The following RANBP2 variants were observed in gnomAD, a reference collection of about 807,000 sequenced individuals.
RANBP2 encodes the protein E3 SUMO-protein ligase RanBP2.
In RANBP2, 57 loss-of-function variants were observed where a neutral mutation model predicts 303.6. The ratio of observed to expected loss-of-function variants is 0.19; its 90% CI spans 0.15 to 0.23. The LOEUF is 0.23. Among genes scored for constraint, RANBP2 ranks in the 10% least tolerant of loss-of-function variants. The probability of loss-of-function intolerance (pLI) is 1.00; values close to 1 mark genes in which losing one functional copy is unlikely to be tolerated. For synonymous variants in RANBP2, 1,167 were observed against 1,301.5 expected (o/e 0.90, Z 2.23); for missense variants, 3,138 against 3,780.8 (o/e 0.83, Z 4.46).
rs1004497377 is a variant in RANBP2 at position 108,773,020 on chromosome 2, G to C, written c.8266G>C (p.Glu2756Gln). The change falls in exon 23 of 29, where the codon GAG becomes CAG. Residue 2756 changes from glutamate (E) to glutamine (Q), a missense_variant. Glu to Gln is a conservative substitution (Grantham distance 29). Transcript: ENST00000283195. Reference protein sequence around the residue: ...DNGNGEDFQSELQKVQEAQKS... With the variant: ...DNGNGEDFQSQLQKVQEAQKS... ...TGGAAATGGGGAGGACTTTCAATCA[G>C]AGCTTCAAAAAGTTCAGGAAGCTCA... The C allele has an allele frequency of 6.2e-7, 1 of 1,613,126 alleles. No individual in the cohort carries two copies. The highest frequency in any genetic ancestry group is 1.7e-5 in the Admixed American group (1 of 59,964).
the RANBP2 span, among the ~76,000 whole-genome samples, chr2:109,761,433 TCCCCA>T: frequency 4.7e-5 from 7 of 149,684 alleles, 1 homozygote; most frequent in African/African-American, 7.4e-5. Context: ...GCACTCCTCC[TCCCCA>T]CCCCACCCGG....
At chr2:109,736,498 C>T in the RANBP2 span, among the ~76,000 whole-genome samples, 2 of 152,192 alleles carry the variant, frequency 1.3e-5, no homozygotes, top group Non-Finnish European at 2.9e-5. Context: ...TTTTTGTACA[C>T]ATTTAGTTAA....
chr2:109,239,118 C>T, the RANBP2 span, among the ~76,000 whole-genome samples: 32 of 152,200 alleles, frequency 2.1e-4, no homozygotes, highest in Non-Finnish European at 3.4e-4. Context: ...ACGTCTTTTC[C>T]GAGTGTCCCA....
chr2:109,170,092 A>G, the RANBP2 span, among the ~76,000 whole-genome samples: 47 of 152,302 alleles, frequency 3.1e-4, no homozygotes. Context: ...AGAAACTATA[A>G]TCTCTACAAG....
the RANBP2 span, among the ~76,000 whole-genome samples, chr2:109,415,723 T>G: frequency 6.6e-6 from 1 of 152,174 alleles, no homozygotes; most frequent in Non-Finnish European, 1.5e-5. Flanking sequence ...CTGCCCCCTT[T>G]GCCTCCAAAC....
the RANBP2 span, chr2:109,564,386 G>C: frequency 6.4e-7 from 1 of 1,573,700 alleles, no homozygotes; most frequent in Non-Finnish European, 8.6e-7. Flanking sequence ...TGTTTTCTGG[G>C]CCCACATCTG....
chr2:109,109,800 C>T, the RANBP2 span, among the ~76,000 whole-genome samples: 1 of 152,160 alleles, frequency 6.6e-6, no homozygotes, highest in Non-Finnish European at 1.5e-5. Flanking sequence ...ATTTTATTTT[C>T]ATGAAGATAG....
the RANBP2 span, among the ~76,000 whole-genome samples, chr2:109,664,648 G>A: frequency 1.3e-5 from 2 of 151,710 alleles, no homozygotes; most frequent in Non-Finnish European, 2.9e-5. Context: ...TCTCAATGTG[G>A]GCCGGGCACG....
chr2:109,589,775 CAT>C, the RANBP2 span, among the ~76,000 whole-genome samples: 1 of 151,690 alleles, frequency 6.6e-6, no homozygotes, highest in African/African-American at 2.4e-5. Flanking sequence ...ATAATGAAAA[CAT>C]ATGTCCACCC....
the RANBP2 span, among the ~76,000 whole-genome samples, chr2:109,648,980 G>A: frequency 1.8e-4 from 27 of 152,256 alleles, no homozygotes; most frequent in African/African-American, 6.0e-4. Context: ...CGGGTGAGAG[G>A]GCTGGATGTA....
At chr2:108,853,955 T>TATATATAATAAAATATATATAATATATA in the RANBP2 span, among the ~76,000 whole-genome samples, 40 of 118,376 alleles carry the variant, frequency 3.4e-4, no homozygotes, top group African/African-American at 1.3e-3. Context: ...ATACAATAAA[T>TATATATAATAAAATATATATAATATATA]ATATATAATA....
the RANBP2 span, among the ~76,000 whole-genome samples, chr2:109,722,048 A>G: frequency 6.6e-6 from 1 of 152,176 alleles, no homozygotes; most frequent in African/African-American, 2.4e-5. Context: ...TTAGTGAGGC[A>G]TGTGTGTGTG....
chr2:108,986,843 T>C, the RANBP2 span, among the ~76,000 whole-genome samples: 3 of 152,216 alleles, frequency 2.0e-5, no homozygotes, highest in Non-Finnish European at 4.4e-5. Context: ...GGCATTGAGA[T>C]GGAGGCGGCA....
chr2:109,572,419 C>T, the RANBP2 span, among the ~76,000 whole-genome samples: 1 of 151,472 alleles, frequency 6.6e-6, no homozygotes, highest in South Asian at 2.1e-4. Flanking sequence ...AGGCACGAGC[C>T]ACCGTACCTG....
the RANBP2 span, among the ~76,000 whole-genome samples, chr2:109,058,042 A>G: frequency 6.6e-6 from 1 of 152,218 alleles, no homozygotes; most frequent in African/African-American, 2.4e-5. Flanking sequence ...TGCAGGTCTC[A>G]CAGGAACAGG....
Position 108,785,431 on chromosome 2 carries a change from GATGCCTTCGTC to G in RANBP2, c.*1534_*1544del, listed in dbSNP as rs1678554455. ...TTGTAACTTTTCAGCTGAGACAGTT[GATGCCTTCGTC>G]ATGATTTTAGAATAAATTCTTAAGT... On this transcript the variant is annotated 3_prime_UTR_variant, in exon 29 of 29. Transcript: ENST00000283195. 1 of 152,192 alleles carries G rather than the reference GATGCCTTCGTC, an allele frequency of 6.6e-6. No homozygotes were observed. The highest frequency in any genetic ancestry group is 2.4e-5 in the African/African-American group (1 of 41,432). The allele number at this position is 152,192 out of a possible 1,614,324, so 9.4% of individuals were successfully genotyped here.
At chr2:109,346,373 T>C in the RANBP2 span, among the ~76,000 whole-genome samples, 8 of 152,224 alleles carry the variant, frequency 5.3e-5, no homozygotes, top group South Asian at 6.2e-4. Context: ...AGTTTTTCGA[T>C]GTACTACTGC....
At chr2:109,501,280 G>A in the RANBP2 span, among the ~76,000 whole-genome samples, 39 of 152,238 alleles carry the variant, frequency 2.6e-4, no homozygotes, top group African/African-American at 8.2e-4. Context: ...GTAGATCAGC[G>A]TCTAAAAGGA....
the RANBP2 span, among the ~76,000 whole-genome samples, chr2:108,869,733 G>A: frequency 6.6e-6 from 1 of 152,162 alleles, no homozygotes; most frequent in Admixed American, 6.5e-5. Context: ...CAGGATGCAT[G>A]CCCAGACAAG....
Sources: gnomAD v4.1 joint callset for allele counts (sites outside exome capture counted in the v4.1 genomes callset) on GRCh38, gnomAD v4.1.1 for gene constraint, MANE v1.5 for transcripts, NCBI Gene and HGNC (gene_info 2026-07-23, HGNC 2026-07-21) for gene names.